The following MRTFB variants were observed in gnomAD, a reference collection of about 807,000 sequenced individuals.
MRTFB encodes myocardin-related transcription factor B.
Under a neutral mutation model 104.2 loss-of-function variants are expected in MRTFB, and 29 were observed. That is an observed-to-expected ratio of 0.28 (90% confidence interval 0.21 to 0.38). The LOEUF (loss-of-function observed/expected upper bound fraction) is 0.38, where lower values mean the gene tolerates loss of function less well. MRTFB is among the 10% of genes least tolerant of loss of function. MRTFB has a pLI of 1.00. For missense variants in MRTFB, 1,270 were observed against 1,341.6 expected (o/e 0.95, Z 0.83); for synonymous variants, 535 against 519.5 (o/e 1.03, Z -0.41).
intron 3 of MRTFB, among the ~76,000 whole-genome samples, chr16:14,198,893 T>C (rs946289693): frequency 6.6e-5 from 10 of 152,234 alleles, no homozygotes; most frequent in African/African-American, 1.9e-4. Context: ...CTATCTCTTA[T>C]GCTCTTGTTC....
chr16:14,112,055 C>G (rs534846762), intron 2 of MRTFB, among the ~76,000 whole-genome samples: 3 of 152,128 alleles, frequency 2.0e-5, no homozygotes, highest in Non-Finnish European at 4.4e-5. Flanking sequence ...CTTCACTGTT[C>G]AAGGGCAGTG....
chr16:14,165,636 C>G (rs922062853), intron 3 of MRTFB, among the ~76,000 whole-genome samples: 2 of 152,140 alleles, frequency 1.3e-5, no homozygotes, highest in African/African-American at 4.8e-5. Context: ...TGGACATGTT[C>G]TCACTGTCCT....
rs1157020152 is a variant in MRTFB, at chr16:14,200,515, CTG to C, written c.155-9725_155-9724del. 20 of 1,610,056 alleles carry C rather than the reference CTG, an allele frequency of 1.2e-5. No homozygotes were observed. In the East Asian group the frequency reaches 2.0e-4, roughly 16 times the overall value. On this transcript the variant is annotated intron_variant, in intron 3 of 16. Transcript: ENST00000571589. ...TCAGTGCAATCATCGTCTGTCTTCT[CTG>C]TGAATTGCTCAGCAGCAGCTTTATT...
chr16:14,063,322 G>T, the MRTFB span, among the ~76,000 whole-genome samples: 1 of 152,170 alleles, frequency 6.6e-6, no homozygotes, highest in Non-Finnish European at 1.5e-5. Flanking sequence ...AAAATCACAT[G>T]TATTATTATA....
chr16:14,220,288 TAACA>T (rs148693133), intron 8 of MRTFB, among the ~76,000 whole-genome samples: 6 of 152,310 alleles, frequency 3.9e-5, no homozygotes, highest in East Asian at 3.9e-4. Context: ...TAGATACCAT[TAACA>T]AACAGTTACA....
the MRTFB span, among the ~76,000 whole-genome samples, chr16:14,008,096 C>T: frequency 0.096 from 14,570 of 152,070 alleles, 789 homozygotes; most frequent in African/African-American, 0.12. Flanking sequence ...CTGGGCATGG[C>T]GGTACATGTT....
intron 12 of MRTFB, 58 bp downstream of exon 12, chr16:14,247,565 GCTAAGGAAGGCACCA>G: frequency 6.9e-7 from 1 of 1,453,180 alleles, no homozygotes; most frequent in Non-Finnish European, 9.2e-7. Context: ...TGCAAACCCT[GCTAAGGAAGGCACCA>G]TACCTGAGCT....
chr16:14,103,726 A>G (rs560519412), intron 2 of MRTFB, among the ~76,000 whole-genome samples: 1 of 152,192 alleles, frequency 6.6e-6, no homozygotes. Context: ...CCAGTTTGCT[A>G]CAAATATAGT....
At chr16:14,007,637 CCAAA>C in the MRTFB span, among the ~76,000 whole-genome samples, 5 of 152,258 alleles carry the variant, frequency 3.3e-5, no homozygotes, top group Non-Finnish European at 5.9e-5. Context: ...TGAGAAACTG[CCAAA>C]CAGTTTTTCA....
intron 3 of MRTFB, among the ~76,000 whole-genome samples, chr16:14,172,472 T>C (rs1317478954): frequency 6.6e-6 from 1 of 152,198 alleles, no homozygotes; most frequent in East Asian, 1.9e-4. Context: ...GATTTTCCTG[T>C]TACAAACTGC....
intron 1 of MRTFB, among the ~76,000 whole-genome samples, chr16:14,072,444 G>A (rs2033765521): frequency 6.6e-6 from 1 of 152,120 alleles, no homozygotes; most frequent in Admixed American, 6.5e-5. Flanking sequence ...GAGTACATTT[G>A]TATTGGTTAA....
the MRTFB span, among the ~76,000 whole-genome samples, chr16:14,060,720 T>C: frequency 5.6e-4 from 85 of 152,196 alleles, no homozygotes; most frequent in African/African-American, 2.0e-3. Flanking sequence ...GCTTTTTCTC[T>C]TATCCAGGTG....
At chr16:14,014,082 C>A in the MRTFB span, among the ~76,000 whole-genome samples, 1 of 152,190 alleles carries the variant, frequency 6.6e-6, no homozygotes, top group Non-Finnish European at 1.5e-5. Context: ...CATGTCTATT[C>A]CCCATGCCCT....
intron 15 of MRTFB, among the ~76,000 whole-genome samples, chr16:14,252,871 C>T (rs578232629): frequency 1.3e-5 from 2 of 152,264 alleles, no homozygotes; most frequent in East Asian, 3.9e-4. Context: ...CAAAATGACA[C>T]ATGGTATCAC....
At chr16:14,147,168 C>T (rs1164320576) in intron 3 of MRTFB, among the ~76,000 whole-genome samples, 1 of 152,166 alleles carries the variant, frequency 6.6e-6, no homozygotes, top group African/African-American at 2.4e-5. Flanking sequence ...AGTACTTACA[C>T]TGAGAAAAGA....
chr16:14,181,016 A>G (rs2039751873), intron 3 of MRTFB, among the ~76,000 whole-genome samples: 1 of 152,158 alleles, frequency 6.6e-6, no homozygotes, highest in Non-Finnish European at 1.5e-5. Flanking sequence ...AGCGGTTTTC[A>G]TAGGGGCTAA....
chr16:14,032,986 T>C, the MRTFB span, among the ~76,000 whole-genome samples: 11 of 151,622 alleles, frequency 7.3e-5, no homozygotes, highest in Non-Finnish European at 1.0e-4. Flanking sequence ...TCTGTGGGCA[T>C]AGAAGAGAAA....
intron 3 of MRTFB, among the ~76,000 whole-genome samples, chr16:14,169,206 C>G (rs1299742737): frequency 6.6e-6 from 1 of 152,132 alleles, no homozygotes; most frequent in Non-Finnish European, 1.5e-5. Context: ...TTTCAGATAT[C>G]TGTACACATC....
chr16:14,150,724 A>G (rs1451464078), intron 3 of MRTFB: 1 of 152,176 alleles, frequency 6.6e-6, no homozygotes, highest in Non-Finnish European at 1.5e-5. Context: ...ATTTTACTGT[A>G]TTTATCAATA....
Sources: allele counts gnomAD v4.1 joint callset (sites outside exome capture counted in the v4.1 genomes callset), GRCh38; gene constraint gnomAD v4.1.1; transcripts MANE v1.5; gene names NCBI Gene and HGNC (gene_info 2026-07-23, HGNC 2026-07-21).